The following ECHDC1 variants were observed in gnomAD, a reference collection of about 807,000 sequenced individuals.
The protein encoded by ECHDC1 is ethylmalonyl-CoA decarboxylase 1, also known as ethylmalonyl-CoA decarboxylase.
A neutral mutation model predicts 29.7 loss-of-function variants in ECHDC1; 29 were observed. The observed-to-expected ratio is 0.98, with a 90% CI of 0.73 to 1.33. The LOEUF is 1.33. ECHDC1 is among the 40% of genes most tolerant of loss of function. The pLI is 0.00. For missense variants in ECHDC1, 328 were observed against 350.0 expected, an observed-to-expected ratio of 0.94 and a Z score of 0.50; for synonymous variants, 126 against 123.1, an observed-to-expected ratio of 1.02 and a Z score of -0.15.
At position 127,289,683 on chromosome 6, in the gene ECHDC1, A is replaced by C. The variant is rs1371412767; in HGVS notation, c.*186T>G. ...GCTAAATGTTCCAGATTACGCAGTA[A>C]ATACCCAAGTGAGTAATTGGCAAGA... On this transcript the variant is annotated 3_prime_UTR_variant, in exon 6 of 6. Transcript: ENST00000454859. 6.6e-6 allele frequency: 4 copies of C among 607,198 alleles called. No homozygotes were observed. The highest frequency in any genetic ancestry group is 5.6e-5 in the African/African-American group (3 of 53,998). 37.6% of individuals were successfully genotyped at this position (607,198 alleles called of 1,614,324 possible).
At chr6:127,291,664 AAAG>A (rs1196870080) in intron 5 of ECHDC1, among the ~76,000 whole-genome samples, 2 of 152,164 alleles carry the variant, frequency 1.3e-5, no homozygotes, top group Admixed American at 6.6e-5. Context: ...TCATTACAAA[AAAG>A]AAGACCTTAA....
At chr6:127,306,239 A>C (rs1302913911) in intron 5 of ECHDC1, among the ~76,000 whole-genome samples, 1 of 152,192 alleles carries the variant, frequency 6.6e-6, no homozygotes, top group Non-Finnish European at 1.5e-5. Flanking sequence ...AAATGGGTCA[A>C]TTAAGCAAGA....
chr6:127,342,563 A>T, intron 1 of ECHDC1: 1 of 537,300 alleles, frequency 1.9e-6, no homozygotes, highest in Non-Finnish European at 3.2e-6. Context: ...CTGTTCCAAG[A>T]GAATGCTAGC....
rs1476908859 is a variant in ECHDC1 at position 127,325,988 on chromosome 6, C to T, written c.363+1014G>A. 2.6e-5 allele frequency among the ~76,000 whole-genome samples: 4 copies of T among 152,220 alleles called. No individual in the cohort carries two copies. In the East Asian group the frequency reaches 7.7e-4, roughly 29 times the overall value. ...AAAGCACTCATATTATAGGTGTGAGCCACCATGCTAAAATAGGTTTCACTA... is the reference window on the plus strand; with the variant it reads ...AAAGCACTCATATTATAGGTGTGAGTCACCATGCTAAAATAGGTTTCACTA... On this transcript the variant is annotated intron_variant, in intron 3 of 5. Transcript: ENST00000454859.
At chr6:127,331,227 C>T (rs1422518312) in intron 1 of ECHDC1, among the ~76,000 whole-genome samples, 197 bp from the exon 2 acceptor site, 1 of 151,276 alleles carries the variant, frequency 6.6e-6, no homozygotes, top group Non-Finnish European at 1.5e-5. Flanking sequence ...CTCACTGAAA[C>T]CTCTGCCTCC....
chr6:127,329,891 T>C (rs1783763702), intron 2 of ECHDC1: 2 of 455,348 alleles, frequency 4.4e-6, no homozygotes, highest in East Asian at 1.4e-4. Context: ...TTCTGGTAAG[T>C]GGAGAGAAAA....
rs796712578 is a variant in ECHDC1, at chr6:127,339,490, A to G, written c.-3+3846T>C. 6.2e-4 allele frequency among the ~76,000 whole-genome samples: 95 copies of G among 152,116 alleles called. 1 individual carries two copies. The highest frequency in any genetic ancestry group is 2.2e-3 in the African/African-American group (92 of 41,506). On this transcript the variant is annotated intron_variant, in intron 1 of 5. Coordinates refer to ENST00000454859, the MANE Select transcript of ECHDC1 (RefSeq NM_001002030.2). Reference sequence around the variant, plus strand: ...AAAATAAGAAAAAAAGAACTATTTCAGGCCAGGTACGGTGGCTTATGCCTG... The same window carrying G: ...AAAATAAGAAAAAAAGAACTATTTCGGGCCAGGTACGGTGGCTTATGCCTG...
At chr6:127,341,288 T>C (rs926601167) in intron 1 of ECHDC1, among the ~76,000 whole-genome samples, 6 of 152,212 alleles carry the variant, frequency 3.9e-5, no homozygotes, top group Non-Finnish European at 5.9e-5. Flanking sequence ...AAAAATTTTA[T>C]AATAGCCTAT....
At chr6:127,333,746 T>A (rs1409414916) in intron 1 of ECHDC1, among the ~76,000 whole-genome samples, 1 of 151,564 alleles carries the variant, frequency 6.6e-6, no homozygotes. Context: ...TTATAATGTA[T>A]GCATTTGCTC....
At chr6:127,332,179 A>G (rs1232644005) in intron 1 of ECHDC1, among the ~76,000 whole-genome samples, 1 of 152,186 alleles carries the variant, frequency 6.6e-6, no homozygotes, top group Non-Finnish European at 1.5e-5. Flanking sequence ...CCCTTCAAGT[A>G]AAAGTAACTT....
intron 2 of ECHDC1, among the ~76,000 whole-genome samples, chr6:127,330,149 A>G (rs1225417508): frequency 6.6e-6 from 1 of 152,246 alleles, no homozygotes; most frequent in African/African-American, 2.4e-5. Flanking sequence ...TAGCTCCTGC[A>G]TAACACAGTG....
chr6:127,320,957 CT>C (rs1156558522), intron 3 of ECHDC1, among the ~76,000 whole-genome samples: 1 of 152,030 alleles, frequency 6.6e-6, no homozygotes, highest in Admixed American at 6.6e-5. Context: ...AGGGTTGATG[CT>C]CTTATGGGTA....
At chr6:127,324,100 T>A (rs773207112) in intron 3 of ECHDC1, among the ~76,000 whole-genome samples, 15 of 152,180 alleles carry the variant, frequency 9.9e-5, no homozygotes, top group Non-Finnish European at 1.9e-4. Context: ...TCATTGCTAA[T>A]CTTCCTGTCC....
intron 2 of ECHDC1, 48 bp downstream of exon 2, chr6:127,330,761 C>T: frequency 4.0e-6 from 6 of 1,508,560 alleles, no homozygotes; most frequent in Non-Finnish European, 5.5e-6. Context: ...CTTGTGATAA[C>T]AGTTTAGATT....
At chr6:127,302,877 C>T (rs536256127) in intron 5 of ECHDC1, among the ~76,000 whole-genome samples, 1 of 152,310 alleles carries the variant, frequency 6.6e-6, no homozygotes, top group African/African-American at 2.4e-5. Context: ...ACTGCTTCCT[C>T]TTCGCAGAAT....
At chr6:127,302,277 G>A (rs569979772) in intron 5 of ECHDC1, among the ~76,000 whole-genome samples, 40 of 152,186 alleles carry the variant, frequency 2.6e-4, no homozygotes, top group Admixed American at 3.9e-4. Flanking sequence ...GGTGAACACC[G>A]GAATCTATGT....
chr6:127,326,976 A>C (rs1783402241), intron 3 of ECHDC1, 26 bp downstream of exon 3: 1 of 1,601,726 alleles, frequency 6.2e-7, no homozygotes. Flanking sequence ...ATGTAGAATC[A>C]AATGCATAAT....
intron 4 of ECHDC1, 44 bp from the exon 5 acceptor site, chr6:127,314,940 A>G: frequency 6.5e-7 from 1 of 1,533,142 alleles, no homozygotes; most frequent in Non-Finnish European, 9.0e-7. Flanking sequence ...TTTAATTTCA[A>G]TATTCATTTA....
intron 1 of ECHDC1, among the ~76,000 whole-genome samples, chr6:127,333,547 C>G (rs533685139): frequency 6.6e-6 from 1 of 151,878 alleles, no homozygotes; most frequent in Admixed American, 6.6e-5. Flanking sequence ...TGGTGTGCTG[C>G]GGCCCAGTCT....
Sources: allele counts gnomAD v4.1 joint callset (sites outside exome capture counted in the v4.1 genomes callset), GRCh38; gene constraint gnomAD v4.1.1; transcripts MANE v1.5; gene names NCBI Gene and HGNC (gene_info 2026-07-23, HGNC 2026-07-21).